Variants in IL6R observed in about 807,000 individuals in gnomAD.
The protein encoded by IL6R is interleukin-6 receptor subunit alpha.
IL6R carries 38 observed loss-of-function variants against 48.3 expected under a neutral mutation model. The observed-to-expected ratio is 0.79, with a 90% confidence interval of 0.61 to 1.03. The LOEUF (loss-of-function observed/expected upper bound fraction) is 1.03. Among genes scored for constraint, IL6R ranks in the 50% least tolerant of loss-of-function variants. The probability of loss-of-function intolerance (pLI) is 0.00; values close to 1 mark genes in which losing one functional copy is unlikely to be tolerated. For synonymous variants in IL6R, 264 were observed against 256.2 expected, an observed-to-expected ratio of 1.03 and a Z score of -0.29; for missense variants, 534 against 618.3, an observed-to-expected ratio of 0.86 and a Z score of 1.45.
At chr1:154,460,800 A>G (rs1691210536) in intron 9 of IL6R, among the ~76,000 whole-genome samples, 1 of 152,202 alleles carries the variant, frequency 6.6e-6, no homozygotes, top group Non-Finnish European at 1.5e-5. Context: ...AAACCTCTGT[A>G]GGGTCCAGCC....
At chr1:154,411,517 A>G (rs974149583) in intron 1 of IL6R, among the ~76,000 whole-genome samples, 2 of 152,134 alleles carry the variant, frequency 1.3e-5, no homozygotes, top group African/African-American at 4.8e-5. Context: ...ACATCTATTC[A>G]TATGCCTTTG....
intron 1 of IL6R, among the ~76,000 whole-genome samples, chr1:154,417,769 T>TC (rs1027538371): frequency 2.9e-5 from 4 of 139,660 alleles, no homozygotes; most frequent in Non-Finnish European, 6.1e-5. Flanking sequence ...AGATGGAGTT[T>TC]CACTCTTGTT....
chr1:154,415,108 T>TCCACTCGCCCTTGAGTTGCTTGTACTTGC lies in IL6R; in HGVS notation c.85+9396_85+9424dup, dbSNP rs1431555403. On this transcript the variant is annotated intron_variant, in intron 1 of 9. Transcript: ENST00000368485. ...TTGCTAAGATTGGGGCTTTTACGGT[T>TCCACTCGCCCTTGAGTTGCTTGTACTTGC]CCACTCGCCCTTGAGTTGCTTGTAC... 4.3e-6 allele frequency: 5 copies of TCCACTCGCCCTTGAGTTGCTTGTACTTGC among 1,158,336 alleles called. No individual in the cohort carries two copies. In the African/African-American group the frequency reaches 7.6e-5, roughly 18 times the overall value. 71.8% of individuals were successfully genotyped at this position (1,158,336 alleles called of 1,614,324 possible). A position where few individuals can be genotyped will look rare whatever the true frequency, so the allele number is the denominator to read the frequency against.
intron 9 of IL6R, among the ~76,000 whole-genome samples, chr1:154,456,362 C>T (rs887750475): frequency 2.0e-5 from 3 of 151,928 alleles, no homozygotes; most frequent in Admixed American, 1.3e-4. Context: ...AATGTCACTA[C>T]GCCCGGCTAA....
chr1:154,421,614 A>G (rs1013335561), intron 1 of IL6R, among the ~76,000 whole-genome samples: 2 of 151,500 alleles, frequency 1.3e-5, no homozygotes, highest in African/African-American at 4.9e-5. Context: ...CCTCCCCAGA[A>G]CTCTCACTGT....
intron 8 of IL6R, among the ~76,000 whole-genome samples, chr1:154,451,675 T>C (rs1406779804): frequency 4.6e-5 from 7 of 151,944 alleles, no homozygotes. Flanking sequence ...TAGCTGAGAT[T>C]ACAGGCATGC....
chr1:154,438,604 C>G (rs1289709270), intron 6 of IL6R, among the ~76,000 whole-genome samples: 1 of 152,160 alleles, frequency 6.6e-6, no homozygotes, highest in East Asian at 1.9e-4. Context: ...CGACCCCTGC[C>G]ACTTTCTCCC....
chr1:154,456,743 C>G (rs376904436), intron 9 of IL6R, among the ~76,000 whole-genome samples: 1 of 152,066 alleles, frequency 6.6e-6, no homozygotes, highest in African/African-American at 2.4e-5. Flanking sequence ...CTCAAGCGGA[C>G]ACGCTTGGCA....
chr1:154,422,394 A>G (rs576631122), intron 1 of IL6R, among the ~76,000 whole-genome samples: 209 of 152,318 alleles, frequency 1.4e-3, no homozygotes, highest in Non-Finnish European at 1.7e-3. Context: ...TAGTTCCCTC[A>G]GTATGTTGGA....
At chr1:154,434,757 C>T (rs1689513384) in intron 4 of IL6R, 57 bp downstream of exon 4, 2 of 1,511,858 alleles carry the variant, frequency 1.3e-6, no homozygotes, top group Non-Finnish European at 1.8e-6. Context: ...TTTAATACTC[C>T]TTATCGACTT....
intron 1 of IL6R, among the ~76,000 whole-genome samples, chr1:154,420,504 T>G (rs1481895017): frequency 6.7e-6 from 1 of 149,464 alleles, no homozygotes; most frequent in South Asian, 2.1e-4. Flanking sequence ...AGATGTACTT[T>G]ATTTTATTTT....
At chr1:154,440,347 A>G (rs1261132872) in intron 6 of IL6R, among the ~76,000 whole-genome samples, 1 of 152,206 alleles carries the variant, frequency 6.6e-6, no homozygotes, top group Non-Finnish European at 1.5e-5. Flanking sequence ...GGTTGTGCAT[A>G]ATGCTGCTAT....
intron 1 of IL6R, among the ~76,000 whole-genome samples, chr1:154,407,063 T>C (rs1005674641): frequency 1.3e-5 from 2 of 152,014 alleles, no homozygotes; most frequent in Non-Finnish European, 2.9e-5. Flanking sequence ...CTCTCAAATA[T>C]AGAACTAGAT....
Position 154,405,588 on chromosome 1 carries a change from T to C in IL6R, c.-42T>C, listed in dbSNP as rs1253098698. On this transcript the variant is annotated 5_prime_UTR_variant, in exon 1 of 10. Transcript: ENST00000368485. The surrounding 1 kb of genome is among the most constrained non-coding windows in gnomAD (Gnocchi z 5.2). ...CTGCCGCCCGGTTCCCATTAGCCTGTCCGCCTCTGCGGGACCATGGAGTGG... is the reference window on the plus strand; with the variant it reads ...CTGCCGCCCGGTTCCCATTAGCCTGCCCGCCTCTGCGGGACCATGGAGTGG... 3 of 1,296,836 alleles carry C rather than the reference T, an allele frequency of 2.3e-6. No individual in the cohort carries two copies. The African/African-American group carries it at 4.8e-5, about 21-fold the overall frequency. 80.3% of individuals were successfully genotyped at this position (1,296,836 alleles called of 1,614,324 possible).
intron 1 of IL6R, among the ~76,000 whole-genome samples, chr1:154,423,292 T>TATATATATATATATATATATC (rs1463974212): frequency 7.2e-6 from 1 of 139,588 alleles, no homozygotes. Flanking sequence ...TATGTATTCA[T>TATATATATATATATATATATC]TATAAGAGCA....
intron 9 of IL6R, among the ~76,000 whole-genome samples, chr1:154,458,015 G>A (rs1338111321): frequency 6.9e-6 from 1 of 145,596 alleles, no homozygotes; most frequent in Non-Finnish European, 1.5e-5. Context: ...CGCCCAGGCT[G>A]GAGTGCAGTG....
intron 9 of IL6R, among the ~76,000 whole-genome samples, chr1:154,456,247 C>T (rs138363290): frequency 6.7e-6 from 1 of 149,566 alleles, no homozygotes. Context: ...CTTTTGTTGC[C>T]CAGGCTGGAG....
chr1:154,423,281 A>ATATATATATATATATATATATG (rs1688789339), intron 1 of IL6R, among the ~76,000 whole-genome samples: 1 of 141,878 alleles, frequency 7.0e-6, no homozygotes, highest in Non-Finnish European at 1.5e-5. Context: ...ATATATATAT[A>ATATATATATATATATATATATG]TATGTATTCA....
chr1:154,423,573 T>C (rs1220177799), intron 1 of IL6R, among the ~76,000 whole-genome samples: 2 of 152,064 alleles, frequency 1.3e-5, no homozygotes, highest in Non-Finnish European at 2.9e-5. Context: ...GCAAGTATGT[T>C]TTCTTATAGT....
Sources: allele counts gnomAD v4.1 joint callset (sites outside exome capture counted in the v4.1 genomes callset), GRCh38; gene constraint gnomAD v4.1.1; non-coding constraint Gnocchi (gnomAD v3.1); transcripts MANE v1.5; gene names NCBI Gene and HGNC (gene_info 2026-07-23, HGNC 2026-07-21).